The following KPNB1 variants were observed in gnomAD, a reference collection of about 807,000 sequenced individuals.
The protein encoded by KPNB1 is karyopherin subunit beta 1.
Under a neutral mutation model 113.0 loss-of-function variants are expected in KPNB1, and 7 were observed. The ratio of observed to expected loss-of-function variants is 0.06; its 90% CI spans 0.04 to 0.12. The LOEUF (loss-of-function observed/expected upper bound fraction) is 0.12, where lower values mean the gene tolerates loss of function less well. Ranked by LOEUF, KPNB1 falls within the 10% of genes least tolerant of loss-of-function variation. KPNB1 has a pLI of 1.00. For missense variants in KPNB1, 400 were observed against 1,054.8 expected, an observed-to-expected ratio of 0.38 and a Z score of 8.60; for synonymous variants, 363 against 378.6, an observed-to-expected ratio of 0.96 and a Z score of 0.48.
chr17:47,667,884 C>T (rs1301215657), intron 9 of KPNB1, among the ~76,000 whole-genome samples: 1 of 152,108 alleles, frequency 6.6e-6, no homozygotes. Flanking sequence ...TAACTGGAAT[C>T]ATACAGCATA....
intron 17 of KPNB1, among the ~76,000 whole-genome samples, chr17:47,677,529 T>C (rs796665798): frequency 1.3e-5 from 2 of 150,584 alleles, no homozygotes; most frequent in African/African-American, 4.9e-5. Flanking sequence ...TTCTAGAACA[T>C]TGGCTTTGGG....
chr17:47,681,507 C>T (rs887018715), intron 21 of KPNB1, among the ~76,000 whole-genome samples: 6 of 151,190 alleles, frequency 4.0e-5, no homozygotes, highest in African/African-American at 1.2e-4. Flanking sequence ...CTCCTGACCT[C>T]GTGATCCACC....
In KPNB1 at chr17:47,680,715, A is replaced by T. The variant is rs767127466; in HGVS notation, c.2630+46A>T. ...TCCTCTTTCTTCTACTTCCTGGAGG[A>T]GGGGGGTATGTTTTCTTTAGGCCAT... On this transcript the variant is annotated intron_variant, in intron 21 of 21. Transcript: ENST00000290158. The T allele has an allele frequency of 9.0e-5, 141 of 1,574,556 alleles. 3 individuals carry two copies. In the South Asian group the frequency reaches 1.6e-3, roughly 17 times the overall value.
intron 5 of KPNB1, among the ~76,000 whole-genome samples, chr17:47,659,310 C>T (rs1276719360): frequency 6.6e-6 from 1 of 151,854 alleles, no homozygotes; most frequent in Admixed American, 6.6e-5. Context: ...GATTGCAGCA[C>T]TGTATTCCAG....
intron 15 of KPNB1, among the ~76,000 whole-genome samples, chr17:47,675,511 G>T (rs559707925): frequency 6.6e-6 from 1 of 151,734 alleles, no homozygotes; most frequent in African/African-American, 2.4e-5. Context: ...GAGTAGCTGG[G>T]ATTATAGGCA....
intron 6 of KPNB1, among the ~76,000 whole-genome samples, chr17:47,661,423 A>T (rs1039712168): frequency 6.6e-5 from 10 of 151,956 alleles, no homozygotes; most frequent in Admixed American, 1.3e-4. Context: ...AACATGGTGA[A>T]ACCCTGTCTC....
intron 12 of KPNB1, 123 bp downstream of exon 12, chr17:47,670,955 A>G (rs892326841): frequency 2.8e-5 from 26 of 921,584 alleles, no homozygotes; most frequent in Non-Finnish European, 3.9e-5. Flanking sequence ...TACCTTCTCT[A>G]GAGGAATTAA....
chr17:47,650,528 C>T (rs1276352295), intron 2 of KPNB1, 84 bp downstream of exon 2: 13 of 1,211,236 alleles, frequency 1.1e-5, no homozygotes, highest in African/African-American at 3.0e-5. Context: ...AGGCCCAGGC[C>T]TCGGGAACCT....
chr17:47,662,612 T>C (rs1359434150), intron 6 of KPNB1, among the ~76,000 whole-genome samples: 3 of 150,768 alleles, frequency 2.0e-5, no homozygotes, highest in Non-Finnish European at 4.4e-5. Context: ...CCGGGCGCAG[T>C]GGCTCACACC....
intron 17 of KPNB1, among the ~76,000 whole-genome samples, chr17:47,677,574 ACT>A (rs2058285564): frequency 6.6e-6 from 1 of 151,998 alleles, no homozygotes; most frequent in African/African-American, 2.4e-5. Context: ...TTCACAGATG[ACT>A]CTGAAGAAAG....
In KPNB1 at chr17:47,683,118, AACAC is replaced by A. The variant is rs1310688546; in HGVS notation, c.*722_*725del. 108 of 143,204 alleles carry A rather than the reference AACAC, an allele frequency of 7.5e-4. No homozygotes were observed. Among genetic ancestry groups the A allele is most frequent in the African/African-American group, 2.4e-3 (93 of 38,052 alleles). The allele number at this position is 143,204 out of a possible 1,614,324, so 8.9% of individuals were successfully genotyped here. A position where few individuals can be genotyped will look rare whatever the true frequency, so the allele number is the denominator to read the frequency against. ...AAAAAAAAAAAAAAAAAAAAAAAAAAACACACACACAGAGGAAAGACGCTCTTTA... is the reference window on the plus strand; with the variant it reads ...AAAAAAAAAAAAAAAAAAAAAAAAAAACACACAGAGGAAAGACGCTCTTTA... On this transcript the variant is annotated 3_prime_UTR_variant, in exon 22 of 22. Coordinates refer to ENST00000290158, the MANE Select transcript of KPNB1 (RefSeq NM_002265.6).
intron 17 of KPNB1, among the ~76,000 whole-genome samples, chr17:47,677,787 C>A (rs1329835244): frequency 6.6e-6 from 1 of 152,128 alleles, no homozygotes; most frequent in African/African-American, 2.4e-5. Flanking sequence ...AGATAGCCAT[C>A]ATTAATTATT....
intron 9 of KPNB1, among the ~76,000 whole-genome samples, chr17:47,667,640 C>T (rs890887865): frequency 6.6e-6 from 1 of 151,822 alleles, no homozygotes; most frequent in African/African-American, 2.4e-5. Context: ...TCACTGCAAC[C>T]TCCGCCTTCC....
intron 5 of KPNB1, 44 bp from the exon 6 acceptor site, chr17:47,661,075 A>T: frequency 5.4e-6 from 8 of 1,477,298 alleles, no homozygotes; most frequent in Non-Finnish European, 6.6e-6. Context: ...TCCTACGTAC[A>T]GGTTATGCTC....
At chr17:47,664,103 C>A in intron 7 of KPNB1, 56 bp from the exon 8 acceptor site, 1 of 1,078,910 alleles carries the variant, frequency 9.3e-7, no homozygotes, top group Non-Finnish European at 1.4e-6. Flanking sequence ...CGGGTTGGGG[C>A]AGGGACTCAC....
At chr17:47,666,425 TTA>T (rs973164992) in intron 9 of KPNB1, among the ~76,000 whole-genome samples, 1 of 144,220 alleles carries the variant, frequency 6.9e-6, no homozygotes, top group Non-Finnish European at 1.5e-5. Context: ...TGTGTGTATT[TTA>T]TATATATATT....
At chr17:47,658,731 T>C in intron 5 of KPNB1, 71 bp downstream of exon 5, 3 of 1,387,658 alleles carry the variant, frequency 2.2e-6, no homozygotes, top group Admixed American at 2.1e-5. Flanking sequence ...AGTTTTTTGT[T>C]TTGTTTTCTT....
chr17:47,660,095 A>C (rs1341480713), intron 5 of KPNB1, among the ~76,000 whole-genome samples: 1 of 152,236 alleles, frequency 6.6e-6, no homozygotes, highest in South Asian at 2.1e-4. Context: ...GAAACTGTAC[A>C]TACTGAACAA....
At chr17:47,675,021 T>C (rs1212708250) in intron 15 of KPNB1, among the ~76,000 whole-genome samples, 4 of 152,176 alleles carry the variant, frequency 2.6e-5, no homozygotes, top group Non-Finnish European at 2.9e-5. Flanking sequence ...AGTTTCGCCA[T>C]GTTGCCCAGA....
Sources: gnomAD v4.1 joint callset for allele counts (sites outside exome capture counted in the v4.1 genomes callset) on GRCh38, gnomAD v4.1.1 for gene constraint, MANE v1.5 for transcripts, NCBI Gene and HGNC (gene_info 2026-07-23, HGNC 2026-07-21) for gene names.